The following KPTN variants were observed in gnomAD, a reference collection of about 807,000 sequenced individuals.
The protein encoded by KPTN is kaptin, actin binding protein.
Under a neutral mutation model 52.6 loss-of-function variants are expected in KPTN, and 36 were observed. That is an observed-to-expected ratio of 0.68 (90% CI 0.52 to 0.90). The LOEUF (loss-of-function observed/expected upper bound fraction) is 0.90, where lower values mean the gene tolerates loss of function less well. KPTN is among the 40% of genes least tolerant of loss of function. The pLI is 0.00. For missense variants in KPTN, 529 were observed against 576.2 expected (o/e 0.92, Z 0.84); for synonymous variants, 271 against 248.4 (o/e 1.09, Z -0.85).
At position 47,477,586 on chromosome 19, in the gene KPTN, C is replaced by A. The variant is rs12327881; in HGVS notation, c.863+120G>T. 5,025 of 724,764 alleles carry A rather than the reference C, an allele frequency of 6.9e-3. 82 individuals are homozygous for A. The highest frequency in any genetic ancestry group is 0.042 in the Middle Eastern group (173 of 4,146). 44.9% of individuals were successfully genotyped at this position (724,764 alleles called of 1,614,324 possible). On this transcript the variant is annotated intron_variant, in intron 9 of 11. Transcript: ENST00000338134. ...GCCCCCACCCCTGGGTCACGAGTAT[C>A]TGTACTTGTCCAGCTCTGGGTAATC... is the stretch of plus-strand genomic sequence containing the variant.
Position 47,476,679 on chromosome 19 carries a change from C to T in KPTN, c.1035G>A (p.Ser345=), listed in dbSNP as rs201351395. 1,144 of 1,612,636 alleles carry T rather than the reference C, an allele frequency of 7.1e-4. 2 individuals carry two copies. The highest frequency in any genetic ancestry group is 8.9e-4 in the Non-Finnish European group (1,052 of 1,179,554). Residue 345 remains serine, a synonymous_variant, in exon 11 of 12, where the codon TCG becomes TCA. Transcript: ENST00000338134. The part of the protein sequence containing the change: ...LLCYKYRGPE[S]GLPEAQHGFH... ...ACCCGTGCTGGGCCTCAGGAAGCCC[C>T]GACTCTGGGCCCCGGTACTTATAAC... is the stretch of plus-strand genomic sequence containing the variant.
chr19:47,483,177 G>T lies in KPTN; in HGVS notation c.433C>A (p.Gln145Lys). The stretch of plus-strand genomic sequence containing the variant: ...GACACTCACTCCGCATGGCACAGCT[G>T]GAACGGAGTGAACTGGAGCTCCAGG... ...LNLELQFTPFQLCHAEVQVGD... is the reference protein window; with the variant it reads ...LNLELQFTPFKLCHAEVQVGD... The change falls in exon 4 of 12, where the codon CAG becomes AAG. Residue 145 changes from glutamine to lysine, a missense_variant. Transcript: ENST00000338134. 6.2e-7 allele frequency: 1 copy of T among 1,614,040 alleles called. No homozygotes were observed. Among genetic ancestry groups the T allele is most frequent in the Non-Finnish European group, 8.5e-7 (1 of 1,179,988 alleles).
In KPTN at chr19:47,475,548, T is replaced by C; in HGVS notation, c.1183-4A>G. ...CTGAGGCCTGAATCAGGCTGTGCTG[T>C]GGGGAACAAGAGAATGAGGGGGATG... On this transcript the variant is annotated splice_polypyrimidine_tract_variant and splice_region_variant and intron_variant, in intron 11 of 11. Coordinates refer to ENST00000338134, the MANE Select transcript of KPTN (RefSeq NM_007059.4). 6.2e-7 allele frequency: 1 copy of C among 1,611,624 alleles called. No homozygotes were observed. The highest frequency in any genetic ancestry group is 2.2e-5 in the East Asian group (1 of 44,728).
chr19:47,484,162 C>A lies in KPTN; in HGVS notation c.-2G>T. On this transcript the variant is annotated 5_prime_UTR_variant, in exon 1 of 12. Coordinates refer to ENST00000338134, the MANE Select transcript of KPTN (RefSeq NM_007059.4). ...GGCCACGGCCGCCTCCCCCATCATG[C>A]CCCTCAGTTAAGCACCCTCTCCGCA... The A allele has an allele frequency of 6.3e-7, 1 of 1,595,384 alleles. No individual in the cohort carries two copies. Among genetic ancestry groups the A allele is most frequent in the African/African-American group, 1.3e-5 (1 of 74,786 alleles).
At chr19:47,485,180 T>C (rs1968035295), upstream of KPTN, among the ~76,000 whole-genome samples, 1 of 152,184 alleles carries the variant, frequency 6.6e-6, no homozygotes, top group African/African-American at 2.4e-5. Context: ...ACTGTTACCC[T>C]CCCTGCCGGT....
At chr19:47,483,076 G>C (rs1178570423) in intron 4 of KPTN, 85 bp downstream of exon 4, 1 of 1,266,258 alleles carries the variant, frequency 7.9e-7, no homozygotes, top group Non-Finnish European at 1.2e-6. Context: ...CAGACTACAG[G>C]GGTCTGTAAG....
chr19:47,482,877 T>C (rs928843905), intron 4 of KPTN, among the ~76,000 whole-genome samples: 2 of 152,120 alleles, frequency 1.3e-5, no homozygotes, highest in Non-Finnish European at 2.9e-5. Context: ...CAGCTAATTT[T>C]TGTATTTTTA....
chr19:47,476,735 G>T (rs771926493), intron 10 of KPTN, 21 bp from the exon 11 acceptor site: 2 of 1,608,106 alleles, frequency 1.2e-6, no homozygotes, highest in Admixed American at 1.7e-5. Context: ...GAAGAATCAG[G>T]TCACACAGGT....
At position 47,480,775 on chromosome 19, in the gene KPTN, G is replaced by A. The variant is rs776547634; in HGVS notation, c.584C>T (p.Thr195Met). ...QPVENLFPELTNLTSSVLWLD... is the reference protein window; with the variant it reads ...QPVENLFPELMNLTSSVLWLD... The stretch of plus-strand genomic sequence containing the variant: ...CCTCTCCTACCTACTGGTCAGGTTC[G>A]TCAGCTCTGGGAAGAGGTTTTCCAC... Residue 195 changes from threonine (T) to methionine (M), a missense_variant, in exon 6 of 12, where the codon ACG becomes ATG. Physicochemically the swap from Thr to Met is moderately conservative, Grantham distance 81. Coordinates refer to ENST00000338134, the MANE Select transcript of KPTN (RefSeq NM_007059.4). The A allele has an allele frequency of 1.1e-5, 17 of 1,613,886 alleles. No individual in the cohort carries two copies. The highest frequency in any genetic ancestry group is 3.3e-5 in the Admixed American group (2 of 60,002).
intron 8 of KPTN, among the ~76,000 whole-genome samples, chr19:47,479,495 C>T (rs1967788381): frequency 6.6e-6 from 1 of 152,010 alleles, no homozygotes; most frequent in Non-Finnish European, 1.5e-5. Context: ...AGTGAAGGGG[C>T]CACAGAGCGG....
intron 8 of KPTN, among the ~76,000 whole-genome samples, chr19:47,478,567 T>TAAAAACAAAAAAAAA (rs1967756619): frequency 1.5e-5 from 1 of 66,234 alleles, no homozygotes; most frequent in African/African-American, 4.9e-5. Context: ...AGACTCTGTC[T>TAAAAACAAAAAAAAA]AAAAAAAAAA....
intron 4 of KPTN, 115 bp from the exon 5 acceptor site, chr19:47,481,148 G>A: frequency 2.5e-6 from 2 of 787,182 alleles, no homozygotes; most frequent in Non-Finnish European, 4.3e-6. Context: ...CTGGGATCCA[G>A]ACACTAGACC....
chr19:47,478,223 T>C (rs926602621), intron 8 of KPTN, among the ~76,000 whole-genome samples: 4 of 151,942 alleles, frequency 2.6e-5, no homozygotes, highest in African/African-American at 9.7e-5. Context: ...GGGTTAGAGA[T>C]TGGCCCATGA....
At chr19:47,477,516 C>A (rs1030954574) in intron 9 of KPTN, among the ~76,000 whole-genome samples, 190 bp downstream of exon 9, 6 of 152,020 alleles carry the variant, frequency 3.9e-5, no homozygotes, top group Non-Finnish European at 8.8e-5. Flanking sequence ...CTCCCACCCC[C>A]CAGCCTCAAC....
chr19:47,481,174 A>G, intron 4 of KPTN, 141 bp from the exon 5 acceptor site: 1 of 679,838 alleles, frequency 1.5e-6, no homozygotes, highest in African/African-American at 1.8e-5. Flanking sequence ...TTAGAATCTC[A>G]GGGCTCAAGC....
intron 8 of KPTN, among the ~76,000 whole-genome samples, chr19:47,478,278 T>C (rs1051623421): frequency 4.0e-5 from 6 of 151,806 alleles, no homozygotes; most frequent in Admixed American, 6.6e-5. Context: ...AGGTGTTAGA[T>C]GATGGCTTAA....
At position 47,475,547 on chromosome 19, in the gene KPTN, G is replaced by A; in HGVS notation, c.1183-3C>T. On this transcript the variant is annotated splice_polypyrimidine_tract_variant and splice_region_variant and intron_variant, in intron 11 of 11. Coordinates refer to ENST00000338134, the MANE Select transcript of KPTN (RefSeq NM_007059.4). ...TCTGAGGCCTGAATCAGGCTGTGCTGTGGGGAACAAGAGAATGAGGGGGAT... is the reference window on the plus strand; with the variant it reads ...TCTGAGGCCTGAATCAGGCTGTGCTATGGGGAACAAGAGAATGAGGGGGAT... 1 of 1,612,044 alleles carries A rather than the reference G, an allele frequency of 6.2e-7. No individual in the cohort carries two copies. The highest frequency in any genetic ancestry group is 8.5e-7 in the Non-Finnish European group (1 of 1,178,484).
intron 8 of KPTN, among the ~76,000 whole-genome samples, chr19:47,479,199 C>T (rs1043117657): frequency 1.3e-5 from 2 of 152,298 alleles, no homozygotes; most frequent in African/African-American, 2.4e-5. Context: ...CCCGCCACCA[C>T]GCTCCACTAA....
rs1354205960 is a variant in KPTN, at chr19:47,480,378, G to A, written c.629C>T (p.Pro210Leu). 6.5e-7 allele frequency: 1 copy of A among 1,549,298 alleles called. No individual in the cohort carries two copies. ...AGCTGAGAGGCGCCGGGACGTGCCG[G>A]GGAAGTTGTGGACGTCCAGCCAGAG... ...SVLWLDVHNF[P>L]GTSRRLSALG... Residue 210 changes from proline (P) to leucine (L), a missense_variant, in exon 7 of 12, where the codon CCC becomes CTC. Physicochemically the swap from Pro to Leu is moderately conservative, Grantham distance 98. Transcript: ENST00000338134.
Sources: gnomAD v4.1 joint callset for allele counts (sites outside exome capture counted in the v4.1 genomes callset) on GRCh38, gnomAD v4.1.1 for gene constraint, MANE v1.5 for transcripts, NCBI Gene and HGNC (gene_info 2026-07-23, HGNC 2026-07-21) for gene names.